The following HYAL4 variants were observed in gnomAD, a reference collection of about 807,000 sequenced individuals.
The protein encoded by HYAL4 is hyaluronidase-4.
A neutral mutation model predicts 35.2 loss-of-function variants in HYAL4; 37 were observed. The observed-to-expected ratio is 1.05, with a 90% CI of 0.81 to 1.38. HYAL4 has a LOEUF of 1.38. HYAL4 is among the 40% of genes most tolerant of loss of function. The pLI is 0.00. For synonymous variants in HYAL4, 198 were observed against 203.2 expected, an observed-to-expected ratio of 0.97 and a Z score of 0.22; for missense variants, 572 against 572.4, an observed-to-expected ratio of 1.00 and a Z score of 0.01.
Position 123,876,840 on chromosome 7 carries a change from C to T in HYAL4, c.1131C>T (p.Ser377=). 1.9e-6 allele frequency: 3 copies of T among 1,614,144 alleles called. No individual in the cohort carries two copies. Among genetic ancestry groups the T allele is most frequent in the South Asian group, 1.1e-5 (1 of 91,082 alleles). Residue 377 remains serine (S), a synonymous_variant, in exon 5 of 5, where the codon AGC becomes AGT. Transcript: ENST00000223026. ...TGACCAGAGCTGCTGAGGTATGCAG[C>T]CTTCACCTCTGCAGGAACAATGGCA... ...ANVTRAAEVC[S]LHLCRNNGRC...
chr7:123,864,476 G>A (rs1413141105), intron 2 of HYAL4, among the ~76,000 whole-genome samples: 1 of 152,124 alleles, frequency 6.6e-6, no homozygotes, highest in Non-Finnish European at 1.5e-5. Context: ...GTTTACAGGA[G>A]CACATTTGCC....
chr7:123,836,778 C>T (rs1251550329), intron 1 of HYAL4, among the ~76,000 whole-genome samples: 1 of 152,120 alleles, frequency 6.6e-6, no homozygotes, highest in African/African-American at 2.4e-5. Flanking sequence ...CCTGTAATCC[C>T]AGCACCCTGG....
chr7:123,815,151 C>G, the HYAL4 span: 3 of 152,504 alleles, frequency 2.0e-5, no homozygotes, highest in African/African-American at 7.2e-5. Context: ...CAATGCTGTT[C>G]TCTTATTAAA....
At chr7:123,775,314 A>G in the HYAL4 span, among the ~76,000 whole-genome samples, 2 of 152,242 alleles carry the variant, frequency 1.3e-5, no homozygotes, top group South Asian at 2.1e-4. Context: ...CTATAGTACT[A>G]GCTACTCAAG....
chr7:123,808,882 C>T, the HYAL4 span, among the ~76,000 whole-genome samples: 2 of 152,054 alleles, frequency 1.3e-5, no homozygotes, highest in Non-Finnish European at 2.9e-5. Flanking sequence ...TTCTCTGGGG[C>T]CTTTGTAATA....
chr7:123,862,640 T>C (rs1427484081), intron 2 of HYAL4, among the ~76,000 whole-genome samples: 1 of 152,216 alleles, frequency 6.6e-6, no homozygotes, highest in Non-Finnish European at 1.5e-5. Flanking sequence ...TGATTTATAA[T>C]ATCCTTTTCC....
At chr7:123,832,156 G>A (rs775482825) in intron 1 of HYAL4, among the ~76,000 whole-genome samples, 14 of 151,986 alleles carry the variant, frequency 9.2e-5, no homozygotes, top group Non-Finnish European at 1.6e-4. Flanking sequence ...CTGCTGTGTT[G>A]AAATAAATAT....
At chr7:123,828,104 A>G (rs976653367), upstream of HYAL4, among the ~76,000 whole-genome samples, 1 of 152,106 alleles carries the variant, frequency 6.6e-6, no homozygotes, top group African/African-American at 2.4e-5. Flanking sequence ...ACACCAATGA[A>G]ATACCCAATG....
chr7:123,840,482 T>C (rs1379964494), upstream of HYAL4, among the ~76,000 whole-genome samples: 1 of 151,694 alleles, frequency 6.6e-6, no homozygotes, highest in Non-Finnish European at 1.5e-5. Context: ...TCTTTTTTGG[T>C]TCCATATGAA....
chr7:123,770,653 G>A, the HYAL4 span, among the ~76,000 whole-genome samples: 2 of 152,052 alleles, frequency 1.3e-5, no homozygotes, highest in Non-Finnish European at 2.9e-5. Flanking sequence ...ATTAGTCATG[G>A]AGAGGAGTGT....
At chr7:123,844,614 T>C (rs1023895147), upstream of HYAL4, among the ~76,000 whole-genome samples, 1 of 152,228 alleles carries the variant, frequency 6.6e-6, no homozygotes, top group African/African-American at 2.4e-5. Flanking sequence ...TGCTGCCTTT[T>C]TTTGAGCTAT....
chr7:123,804,455 T>A, the HYAL4 span, among the ~76,000 whole-genome samples: 2 of 152,238 alleles, frequency 1.3e-5, no homozygotes, highest in Non-Finnish European at 2.9e-5. Context: ...ACTTTTTGAG[T>A]AATAAGAATA....
In HYAL4 at chr7:123,845,202, C is replaced by CTTTTTTT. The variant is rs770541919; in HGVS notation, c.-587_-581dup. ...TTATTTATGCTATCTATTTCTTTTC[C>CTTTTTTT]TTTTTTTTTTTTTTTTTTTTTTTTG... On this transcript the variant is annotated 5_prime_UTR_variant, in exon 1 of 5. An upstream open reading frame in the 5' UTR loses its in-frame stop. Coordinates refer to ENST00000223026, the MANE Select transcript of HYAL4 (RefSeq NM_012269.3). 7.0e-4 allele frequency: 54 copies of CTTTTTTT among 76,874 alleles called. No homozygotes were observed. The highest frequency in any genetic ancestry group is 8.2e-4 in the Non-Finnish European group (35 of 42,816). The allele number at this position is 76,874 out of a possible 1,614,324, so 4.8% of individuals were successfully genotyped here. A position where few individuals can be genotyped will look rare whatever the true frequency, so the allele number is the denominator to read the frequency against.
intron 3 of HYAL4, among the ~76,000 whole-genome samples, chr7:123,871,073 A>C (rs1347192770): frequency 6.6e-6 from 1 of 152,162 alleles, no homozygotes; most frequent in Non-Finnish European, 1.5e-5. Context: ...AAAAGGAGCA[A>C]CAGTTTGGGT....
Position 123,866,242 on chromosome 7 carries a change from A to T in HYAL4, c.-51-1981A>T, listed in dbSNP as rs1307483666. The stretch of plus-strand genomic sequence containing the variant: ...CCCTTGAGGACAATATCTCCACTTA[A>T]CAGTAACATTATGGGCATCAGGTTC... On this transcript the variant is annotated intron_variant, in intron 2 of 4. Coordinates refer to ENST00000223026, the MANE Select transcript of HYAL4 (RefSeq NM_012269.3). Among the ~76,000 whole-genome samples the T allele has an allele frequency of 2.0e-5, 3 of 152,214 alleles. No individual in the cohort carries two copies. In the East Asian group the frequency reaches 5.8e-4, roughly 29 times the overall value.
At chr7:123,848,632 A>C (rs1175672380) in intron 2 of HYAL4, among the ~76,000 whole-genome samples, 1 of 152,172 alleles carries the variant, frequency 6.6e-6, no homozygotes, top group Non-Finnish European at 1.5e-5. Flanking sequence ...GATGTAAAGC[A>C]CTCCTCAAGC....
At chr7:123,858,106 A>G (rs1457104871) in intron 2 of HYAL4, among the ~76,000 whole-genome samples, 1 of 152,136 alleles carries the variant, frequency 6.6e-6, no homozygotes, top group Non-Finnish European at 1.5e-5. Context: ...CTGAGGTGGG[A>G]GAATTGCTTG....
chr7:123,834,862 G>A (rs1442810126), intron 1 of HYAL4, among the ~76,000 whole-genome samples: 1 of 152,072 alleles, frequency 6.6e-6, no homozygotes, highest in East Asian at 1.9e-4. Context: ...TTTTAATTCT[G>A]TTTGTGTGGT....
chr7:123,807,926 T>TATTATC, the HYAL4 span, among the ~76,000 whole-genome samples: 76 of 145,768 alleles, frequency 5.2e-4, no homozygotes, highest in African/African-American at 1.7e-3. Flanking sequence ...TTATTATTAT[T>TATTATC]ATTATTATTA....
Sources: allele counts gnomAD v4.1 joint callset (sites outside exome capture counted in the v4.1 genomes callset), GRCh38; gene constraint gnomAD v4.1.1; transcripts MANE v1.5; gene names NCBI Gene and HGNC (gene_info 2026-07-23, HGNC 2026-07-21).